SLC35F4: variants seen among roughly 807,000 people sequenced by gnomAD.
SLC35F4 encodes the protein solute carrier family 35 member F4.
A neutral mutation model predicts 44.2 loss-of-function variants in SLC35F4; 24 were observed. The observed-to-expected ratio is 0.54, with a 90% CI of 0.39 to 0.76. The LOEUF (loss-of-function observed/expected upper bound fraction) is 0.76. Ranked by LOEUF, SLC35F4 falls within the 30% of genes least tolerant of loss-of-function variation. The probability of loss-of-function intolerance (pLI) is 0.00; values close to 1 mark genes in which losing one functional copy is unlikely to be tolerated. For missense variants in SLC35F4, 562 were observed against 586.1 expected (o/e 0.96, Z 0.42); for synonymous variants, 238 against 223.6 (o/e 1.06, Z -0.57).
intron 1 of SLC35F4, among the ~76,000 whole-genome samples, chr14:57,605,603 G>A (rs537417542): frequency 6.6e-6 from 1 of 152,248 alleles, no homozygotes; most frequent in African/African-American, 2.4e-5. Flanking sequence ...TTCTACTACT[G>A]AGTATATGCC....
At chr14:57,766,334 G>T (rs1376020211) in intron 1 of SLC35F4, among the ~76,000 whole-genome samples, 1 of 152,210 alleles carries the variant, frequency 6.6e-6, no homozygotes, top group Non-Finnish European at 1.5e-5. Flanking sequence ...AGTATTCATG[G>T]AAAGTTTTGG....
chr14:57,679,232 G>A lies in SLC35F4; in HGVS notation c.104-85108C>T, dbSNP rs187576928. On this transcript the variant is annotated intron_variant, in intron 1 of 7. Coordinates refer to ENST00000556826, the MANE Select transcript of SLC35F4 (RefSeq NM_001306087.2). The stretch of plus-strand genomic sequence containing the variant: ...AGTATTAAGAAACTCACTCAAAACC[G>A]CACAACTACACGGAAACCGAACAAC... Among the ~76,000 whole-genome samples the A allele has an allele frequency of 2.2e-4, 33 of 152,054 alleles. 1 individual carries two copies. The East Asian group carries it at 2.3e-3, about 11-fold the overall frequency.
chr14:57,840,779 T>C (rs1291283441), intron 1 of SLC35F4, among the ~76,000 whole-genome samples: 1 of 152,166 alleles, frequency 6.6e-6, no homozygotes, highest in Non-Finnish European at 1.5e-5. Flanking sequence ...ATAATGAATG[T>C]TTTTAAAAGA....
intron 1 of SLC35F4, among the ~76,000 whole-genome samples, chr14:57,880,408 CAAG>C (rs1888509439): frequency 6.6e-6 from 1 of 152,106 alleles, no homozygotes; most frequent in South Asian, 2.1e-4. Flanking sequence ...TGTGCTACCT[CAAG>C]AAGGAGTAAA....
downstream of SLC35F4, among the ~76,000 whole-genome samples, chr14:57,974,638 A>G (rs573520910): frequency 6.6e-6 from 1 of 152,294 alleles, no homozygotes; most frequent in East Asian, 1.9e-4. Context: ...TACAGGACTT[A>G]TCCTCTGGGT....
At chr14:57,802,373 G>T (rs2078211948) in intron 1 of SLC35F4, among the ~76,000 whole-genome samples, 1 of 151,910 alleles carries the variant, frequency 6.6e-6, no homozygotes, top group Non-Finnish European at 1.5e-5. Context: ...ATATCAAAAA[G>T]CTAGAAAGAT....
At chr14:57,616,818 T>A (rs1328308643) in intron 1 of SLC35F4, among the ~76,000 whole-genome samples, 2 of 152,086 alleles carry the variant, frequency 1.3e-5, no homozygotes, top group Non-Finnish European at 2.9e-5. Context: ...AGGACTAAGT[T>A]CCCCTTTGTT....
downstream of SLC35F4, among the ~76,000 whole-genome samples, chr14:57,975,208 G>C (rs1423461448): frequency 6.6e-6 from 1 of 152,208 alleles, no homozygotes; most frequent in African/African-American, 2.4e-5. Flanking sequence ...TCCCAGAGAG[G>C]CTTGCTACAA....
At chr14:57,866,522 C>A (rs1336937414), upstream of SLC35F4, among the ~76,000 whole-genome samples, 2 of 152,088 alleles carry the variant, frequency 1.3e-5, no homozygotes, top group East Asian at 3.9e-4. Context: ...TAGTTCCCGG[C>A]AGGTGGTATA....
intron 1 of SLC35F4, among the ~76,000 whole-genome samples, chr14:57,923,819 T>G (rs1290195374): frequency 6.6e-6 from 1 of 152,226 alleles, no homozygotes. Flanking sequence ...ACTATCTGTC[T>G]TAGTCCATTT....
intron 1 of SLC35F4, among the ~76,000 whole-genome samples, chr14:57,605,918 C>A (rs1243943783): frequency 6.6e-6 from 1 of 151,996 alleles, no homozygotes; most frequent in Non-Finnish European, 1.5e-5. Flanking sequence ...ATTGTGTAGA[C>A]ATGGTCATAA....
intron 4 of SLC35F4, among the ~76,000 whole-genome samples, chr14:57,577,540 G>A (rs1235560823): frequency 6.6e-6 from 1 of 151,996 alleles, no homozygotes. Context: ...ATAAGAGAGG[G>A]ACAAAATCTG....
At chr14:57,594,997 A>G (rs2070409632) in intron 1 of SLC35F4, among the ~76,000 whole-genome samples, 1 of 152,162 alleles carries the variant, frequency 6.6e-6, no homozygotes, top group Non-Finnish European at 1.5e-5. Context: ...TGATGCATCT[A>G]TCAACATTAA....
chr14:57,880,808 GTTGGTACACCA>G (rs1342713884), intron 1 of SLC35F4, among the ~76,000 whole-genome samples: 1 of 152,136 alleles, frequency 6.6e-6, no homozygotes, highest in Non-Finnish European at 1.5e-5. Context: ...TCTTGTATTT[GTTGGTACACCA>G]AGAGCAGAGC....
At position 57,598,326 on chromosome 14, in the gene SLC35F4, T is replaced by TG. The variant is rs138804905; in HGVS notation, c.104-4203dup. 5.3e-3 allele frequency among the ~76,000 whole-genome samples: 800 copies of TG among 152,334 alleles called. 9 individuals are homozygous for TG. Among genetic ancestry groups the TG allele is most frequent in the African/African-American group, 0.019 (776 of 41,570 alleles). On this transcript the variant is annotated intron_variant, in intron 1 of 7. Transcript: ENST00000556826. ...GAAAGGAACTTGAATATTACACCGA[T>TG]GCTTGTCCAATTTCTGTCACTAGCA...
chr14:57,940,095 T>G (rs1889888874), intron 1 of SLC35F4, among the ~76,000 whole-genome samples: 1 of 152,190 alleles, frequency 6.6e-6, no homozygotes, highest in South Asian at 2.1e-4. Context: ...CATCCTCCAG[T>G]GCTCAGCAAG....
intron 1 of SLC35F4, among the ~76,000 whole-genome samples, chr14:57,772,528 C>T (rs982300945): frequency 4.6e-5 from 7 of 152,200 alleles, no homozygotes; most frequent in Admixed American, 1.3e-4. Context: ...CCCACTCTCA[C>T]TTTTCTCCTT....
intron 1 of SLC35F4, among the ~76,000 whole-genome samples, chr14:57,801,025 T>A (rs938920665): frequency 2.0e-5 from 3 of 152,074 alleles, no homozygotes; most frequent in African/African-American, 7.2e-5. Flanking sequence ...AGAACCCCAG[T>A]AAGATACTCC....
chr14:57,963,290 C>T (rs975539009), intron 1 of SLC35F4, among the ~76,000 whole-genome samples: 8 of 152,182 alleles, frequency 5.3e-5, no homozygotes, highest in Admixed American at 2.6e-4. Flanking sequence ...TTCTCATGCT[C>T]TCATGATGTG....
Sources: allele counts gnomAD v4.1 joint callset (sites outside exome capture counted in the v4.1 genomes callset), GRCh38; gene constraint gnomAD v4.1.1; transcripts MANE v1.5; gene names NCBI Gene and HGNC (gene_info 2026-07-23, HGNC 2026-07-21).